Variants in CNTN5 observed in about 807,000 individuals in gnomAD.
The protein encoded by CNTN5 is contactin-5.
A neutral mutation model predicts 129.1 loss-of-function variants in CNTN5; 77 were observed. That is an observed-to-expected ratio of 0.60 (90% CI 0.50 to 0.72). CNTN5 has a LOEUF of 0.72. Among genes scored for constraint, CNTN5 ranks in the 30% least tolerant of loss-of-function variants. CNTN5 has a pLI of 0.00. For synonymous variants in CNTN5, 509 were observed against 465.6 expected, an observed-to-expected ratio of 1.09 and a Z score of -1.20; for missense variants, 1,478 against 1,328.8, an observed-to-expected ratio of 1.11 and a Z score of -1.75.
intron 13 of CNTN5, among the ~76,000 whole-genome samples, chr11:100,159,332 T>A (rs1032018301): frequency 3.9e-5 from 6 of 151,914 alleles, no homozygotes; most frequent in Non-Finnish European, 8.8e-5. Context: ...TTCCCTTCAT[T>A]ATTTCTGCAC....
chr11:100,104,669 G>A (rs1945356721), intron 13 of CNTN5, among the ~76,000 whole-genome samples: 1 of 152,118 alleles, frequency 6.6e-6, no homozygotes, highest in Non-Finnish European at 1.5e-5. Context: ...TAAACATACT[G>A]TTTTCCTTTG....
chr11:100,253,207 T>C lies in CNTN5; in HGVS notation c.2006-2553T>C, dbSNP rs111286634. On this transcript the variant is annotated intron_variant, in intron 16 of 24. Coordinates refer to ENST00000524871, the MANE Select transcript of CNTN5 (RefSeq NM_014361.4). The stretch of plus-strand genomic sequence containing the variant: ...TTGAAGATACTTTCTAAATTAACAG[T>C]GAAAACAGTAAAGGTCTCTGTACTC... Among the ~76,000 whole-genome samples, 655 of 152,254 alleles carry C rather than the reference T, an allele frequency of 4.3e-3. 2 individuals carry two copies. The highest frequency in any genetic ancestry group is 8.1e-3 in the Admixed American group (124 of 15,286).
At chr11:99,589,699 C>T (rs1221307584) in intron 3 of CNTN5, among the ~76,000 whole-genome samples, 1 of 152,070 alleles carries the variant, frequency 6.6e-6, no homozygotes, top group Non-Finnish European at 1.5e-5. Context: ...TTCAAACATA[C>T]ACATTTACAT....
In CNTN5 at chr11:100,244,730, A is replaced by G. The variant is rs376690391; in HGVS notation, c.2006-11030A>G. 2.2e-4 allele frequency among the ~76,000 whole-genome samples: 34 copies of G among 152,314 alleles called. No homozygotes were observed. In the East Asian group the frequency reaches 6.0e-3, roughly 27 times the overall value. On this transcript the variant is annotated intron_variant, in intron 16 of 24. Transcript: ENST00000524871. The stretch of plus-strand genomic sequence containing the variant: ...TGTAATATGTCCCAAGTGTCTATCT[A>G]AAAGTGATAATTTCATTATCCTATT...
chr11:99,739,834 C>G (rs187782171), intron 3 of CNTN5, among the ~76,000 whole-genome samples: 21 of 152,216 alleles, frequency 1.4e-4, no homozygotes, highest in Non-Finnish European at 2.4e-4. Flanking sequence ...ATGAGTAAAT[C>G]GAACTGAAGC....
At chr11:99,943,246 T>C (rs569182511) in intron 7 of CNTN5, among the ~76,000 whole-genome samples, 2 of 152,288 alleles carry the variant, frequency 1.3e-5, no homozygotes, top group South Asian at 4.1e-4. Context: ...CATGAGATGG[T>C]GTCTCATTGT....
chr11:99,556,709 A>G (rs1023907529), intron 3 of CNTN5, among the ~76,000 whole-genome samples: 1 of 150,026 alleles, frequency 6.7e-6, no homozygotes, highest in African/African-American at 2.4e-5. Context: ...TCACAATGCT[A>G]AATTTCACCA....
At chr11:100,262,439 G>T (rs570872368) in intron 17 of CNTN5, among the ~76,000 whole-genome samples, 111 of 152,068 alleles carry the variant, frequency 7.3e-4, no homozygotes, top group African/African-American at 2.6e-3. Flanking sequence ...CCTATTACTG[G>T]GTATATATCC....
chr11:99,077,426 C>G (rs939394583), intron 1 of CNTN5, among the ~76,000 whole-genome samples: 1 of 152,176 alleles, frequency 6.6e-6, no homozygotes, highest in South Asian at 2.1e-4. Context: ...ACATTAAGCA[C>G]TACTCCATAG....
chr11:99,908,082 A>G (rs961876730), intron 6 of CNTN5, among the ~76,000 whole-genome samples: 2 of 152,052 alleles, frequency 1.3e-5, no homozygotes, highest in African/African-American at 2.4e-5. Flanking sequence ...GTGAAAAACT[A>G]TCTTGCTTCA....
At chr11:100,164,299 G>C (rs1208330128) in intron 13 of CNTN5, among the ~76,000 whole-genome samples, 1 of 151,726 alleles carries the variant, frequency 6.6e-6, no homozygotes, top group Non-Finnish European at 1.5e-5. Flanking sequence ...CTTTTAATGT[G>C]GTTCTGTATT....
rs1304049198 is a variant in CNTN5 at position 100,140,960 on chromosome 11, T to C, written c.1581-50166T>C. 2.0e-5 allele frequency among the ~76,000 whole-genome samples: 3 copies of C among 152,178 alleles called. No homozygotes were observed. The South Asian group carries it at 6.2e-4, about 32-fold the overall frequency. On this transcript the variant is annotated intron_variant, in intron 13 of 24. Coordinates refer to ENST00000524871, the MANE Select transcript of CNTN5 (RefSeq NM_014361.4). ...CCCCATCCTTCAGCTGCCATCCTTA[T>C]GGGCATGAGCGTTGTACAGAAATAA...
At chr11:100,062,125 A>G (rs915760008) in intron 10 of CNTN5, among the ~76,000 whole-genome samples, 1 of 152,198 alleles carries the variant, frequency 6.6e-6, no homozygotes, top group African/African-American at 2.4e-5. Context: ...TTTACAGTAT[A>G]TATATAATGG....
intron 2 of CNTN5, among the ~76,000 whole-genome samples, chr11:99,452,372 G>GTTTTTTTTTT (rs71463577): frequency 4.8e-5 from 5 of 104,358 alleles, no homozygotes; most frequent in Non-Finnish European, 7.4e-5. Context: ...AAACACAGGT[G>GTTTTTTTTTT]TTTTTTTTTT....
intron 13 of CNTN5, among the ~76,000 whole-genome samples, chr11:100,177,645 C>A (rs1472930582): frequency 6.6e-6 from 1 of 152,102 alleles, no homozygotes; most frequent in African/African-American, 2.4e-5. Context: ...CTGTTTAGCA[C>A]TTATCTCCTT....
At chr11:99,497,963 C>T (rs1384183996) in intron 2 of CNTN5, among the ~76,000 whole-genome samples, 1 of 152,034 alleles carries the variant, frequency 6.6e-6, no homozygotes, top group Non-Finnish European at 1.5e-5. Context: ...AATCATCAGA[C>T]AATTTTTTCT....
chr11:99,176,526 G>A (rs1310007131), intron 1 of CNTN5, among the ~76,000 whole-genome samples: 2 of 152,088 alleles, frequency 1.3e-5, no homozygotes, highest in East Asian at 3.9e-4. Context: ...ATCTCCTCCT[G>A]TTAGACTTCC....
chr11:99,264,612 T>C (rs1164758062), intron 1 of CNTN5, among the ~76,000 whole-genome samples: 1 of 152,084 alleles, frequency 6.6e-6, no homozygotes, highest in Non-Finnish European at 1.5e-5. Flanking sequence ...TCATGCAACA[T>C]AGTTTGAGAA....
At chr11:99,610,706 A>G (rs1280097056) in intron 3 of CNTN5, among the ~76,000 whole-genome samples, 19 of 152,124 alleles carry the variant, frequency 1.2e-4, no homozygotes. Flanking sequence ...GCATGTTAGG[A>G]AATGATAAAA....
Sources: gnomAD v4.1 joint callset for allele counts (sites outside exome capture counted in the v4.1 genomes callset) on GRCh38, gnomAD v4.1.1 for gene constraint, MANE v1.5 for transcripts, NCBI Gene and HGNC (gene_info 2026-07-23, HGNC 2026-07-21) for gene names.